SLC35D4: variants seen among roughly 807,000 people sequenced by gnomAD.
SLC35D4 encodes the protein solute carrier family 35 member D4, also known as UDP-N-acetylglucosamine transporter SLC35D4.
the SLC35D4 span, among the ~76,000 whole-genome samples, chr18:23,409,735 T>C: frequency 1.3e-5 from 2 of 151,812 alleles, no homozygotes; most frequent in Non-Finnish European, 2.9e-5. Context: ...TCCCGGCTAC[T>C]TGGGAAGCTG....
At chr18:23,404,829 T>C in the SLC35D4 span, among the ~76,000 whole-genome samples, 9 of 150,330 alleles carry the variant, frequency 6.0e-5, no homozygotes, top group African/African-American at 2.0e-4. Flanking sequence ...CTACTAAAAA[T>C]ACAAAAATTA....
At chr18:23,341,490 C>T in the SLC35D4 span, among the ~76,000 whole-genome samples, 1 of 152,230 alleles carries the variant, frequency 6.6e-6, no homozygotes, top group Non-Finnish European at 1.5e-5. Context: ...AACGACCTCC[C>T]TCCCTGTGTA....
At chr18:23,400,461 T>C in the SLC35D4 span, among the ~76,000 whole-genome samples, 1 of 151,884 alleles carries the variant, frequency 6.6e-6, no homozygotes, top group Admixed American at 6.6e-5. Flanking sequence ...CCGTCTCTAC[T>C]AAAAATACAA....
chr18:23,437,847 G>A, the SLC35D4 span: 1 of 1,612,526 alleles, frequency 6.2e-7, no homozygotes, highest in East Asian at 2.2e-5. Flanking sequence ...ACCTCCTCAC[G>A]CACATCTGTC....
chr18:23,279,679 A>C, the SLC35D4 span, among the ~76,000 whole-genome samples: 5 of 151,824 alleles, frequency 3.3e-5, no homozygotes, highest in East Asian at 9.7e-4. Flanking sequence ...GCCTGGAAAG[A>C]CCCCTCCCTC....
the SLC35D4 span, among the ~76,000 whole-genome samples, chr18:23,302,991 A>C: frequency 3.9e-5 from 6 of 152,252 alleles, no homozygotes; most frequent in Non-Finnish European, 7.3e-5. Context: ...AATGAGAAGA[A>C]ATAGTAACTA....
At chr18:23,360,124 A>G in the SLC35D4 span, among the ~76,000 whole-genome samples, 1 of 152,186 alleles carries the variant, frequency 6.6e-6, no homozygotes, top group Non-Finnish European at 1.5e-5. Context: ...CACCCTCTAG[A>G]AGAGTTAAAA....
the SLC35D4 span, among the ~76,000 whole-genome samples, chr18:23,308,884 G>C: frequency 2.8e-5 from 4 of 143,050 alleles, no homozygotes; most frequent in South Asian, 2.3e-4. Flanking sequence ...CTCTGTGTGT[G>C]TGTGTGTGTG....
the SLC35D4 span, among the ~76,000 whole-genome samples, chr18:23,308,330 T>A: frequency 6.6e-6 from 1 of 152,022 alleles, no homozygotes; most frequent in Admixed American, 6.5e-5. Flanking sequence ...TGGCGAACGA[T>A]CTATTCCTGT....
At chr18:23,328,223 G>T in the SLC35D4 span, among the ~76,000 whole-genome samples, 3 of 152,112 alleles carry the variant, frequency 2.0e-5, no homozygotes, top group Non-Finnish European at 4.4e-5. Flanking sequence ...GCAGGAGAAA[G>T]AAATAAAGGG....
At chr18:23,411,897 TA>T in the SLC35D4 span, among the ~76,000 whole-genome samples, 1 of 152,244 alleles carries the variant, frequency 6.6e-6, no homozygotes, top group African/African-American at 2.4e-5. Flanking sequence ...AGAGAACATC[TA>T]CTCCCTGAAA....
chr18:23,356,674 C>G, the SLC35D4 span: 2 of 1,613,842 alleles, frequency 1.2e-6, no homozygotes, highest in Non-Finnish European at 1.7e-6. The surrounding 1 kb of genome is among the most constrained non-coding windows in gnomAD (Gnocchi z 4.1). Flanking sequence ...CTGAGGGGAA[C>G]AGCAATGGTG....
At chr18:23,310,428 C>T in the SLC35D4 span, among the ~76,000 whole-genome samples, 8 of 152,238 alleles carry the variant, frequency 5.3e-5, no homozygotes, top group Admixed American at 1.3e-4. Context: ...AGAAGTGCCT[C>T]GAACCCCCCA....
the SLC35D4 span, among the ~76,000 whole-genome samples, chr18:23,302,238 T>A: frequency 1.3e-5 from 2 of 152,244 alleles, no homozygotes; most frequent in Non-Finnish European, 2.9e-5. Context: ...GCTGAGGACC[T>A]GACACTTGAG....
chr18:23,239,872 C>T, the SLC35D4 span, among the ~76,000 whole-genome samples: 3 of 152,174 alleles, frequency 2.0e-5, no homozygotes, highest in Non-Finnish European at 4.4e-5. Context: ...AATCCCAGAA[C>T]TTTGGGAGGC....
At chr18:23,299,271 CCT>C in the SLC35D4 span, among the ~76,000 whole-genome samples, 1 of 152,152 alleles carries the variant, frequency 6.6e-6, no homozygotes, top group African/African-American at 2.4e-5. Flanking sequence ...GCAACCCACC[CCT>C]GTGTTTAGCC....
At chr18:23,415,907 GC>G in the SLC35D4 span, among the ~76,000 whole-genome samples, 1 of 152,112 alleles carries the variant, frequency 6.6e-6, no homozygotes, top group Admixed American at 6.6e-5. Context: ...TGGCCTCTTT[GC>G]AATATAAGAA....
At chr18:23,292,086 G>T in the SLC35D4 span, among the ~76,000 whole-genome samples, 1 of 152,188 alleles carries the variant, frequency 6.6e-6, no homozygotes, top group Non-Finnish European at 1.5e-5. Flanking sequence ...TCTCAATAGA[G>T]ATGTCATGTT....
At chr18:23,388,084 T>C in the SLC35D4 span, among the ~76,000 whole-genome samples, 1 of 152,166 alleles carries the variant, frequency 6.6e-6, no homozygotes, top group Non-Finnish European at 1.5e-5. Context: ...TAAGACCTTA[T>C]GTAAATGTTT....
Sources: gnomAD v4.1 joint callset for allele counts (sites outside exome capture counted in the v4.1 genomes callset) on GRCh38, gnomAD v4.1.1 for gene constraint, Gnocchi (gnomAD v3.1) non-coding constraint, MANE v1.5 for transcripts, NCBI Gene and HGNC (gene_info 2026-07-23, HGNC 2026-07-21) for gene names.